Variants in FLNB observed in about 807,000 individuals in gnomAD.
FLNB encodes filamin-B.
FLNB carries 111 observed loss-of-function variants against 250.6 expected under a neutral mutation model. The observed-to-expected ratio is 0.44, with a 90% CI of 0.38 to 0.52. FLNB has a LOEUF of 0.52. Ranked by LOEUF, FLNB falls within the 20% of genes least tolerant of loss-of-function variation. The pLI, the probability that FLNB is intolerant of heterozygous loss-of-function variation, is 0.00. For missense variants in FLNB, 2,869 were observed against 3,447.8 expected, an observed-to-expected ratio of 0.83 and a Z score of 4.20; for synonymous variants, 1,302 against 1,372.1, an observed-to-expected ratio of 0.95 and a Z score of 1.13.
At chr3:58,140,571 TC>T (rs2097325192) in intron 29 of FLNB, among the ~76,000 whole-genome samples, 1 of 152,166 alleles carries the variant, frequency 6.6e-6, no homozygotes, top group Non-Finnish European at 1.5e-5. Context: ...TGAGAGGGGT[TC>T]CCTTGCTGTT....
Position 58,138,320 on chromosome 3 carries a change from G to T in FLNB, c.4900G>T (p.Val1634Leu). Residue 1634 changes from valine (V) to leucine (L), a missense_variant, in exon 29 of 46, where the codon GTA (valine) becomes TTA (leucine). Coordinates refer to ENST00000295956, the MANE Select transcript of FLNB (RefSeq NM_001457.4). ...CTCCACTGTGAAAACTGGCGAAGAA[G>T]TAGGCTTTGTGGTTGATGCCAAGAC... ...IASTVKTGEE[V>L]GFVVDAKTAG... 5 of 1,614,242 alleles carry T rather than the reference G, an allele frequency of 3.1e-6. No homozygotes were observed. The highest frequency in any genetic ancestry group is 4.2e-6 in the Non-Finnish European group (5 of 1,180,050).
chr3:58,144,379 G>A (rs1295409475), intron 32 of FLNB, among the ~76,000 whole-genome samples: 5 of 152,100 alleles, frequency 3.3e-5, no homozygotes, highest in Non-Finnish European at 7.4e-5. Flanking sequence ...GGCATGAGCC[G>A]CCACGCCTGG....
At chr3:58,113,292 C>G (rs949524386) in intron 18 of FLNB, among the ~76,000 whole-genome samples, 1 of 152,176 alleles carries the variant, frequency 6.6e-6, no homozygotes, top group Non-Finnish European at 1.5e-5. Flanking sequence ...GCCTAGTGTT[C>G]GAAGTGGTTG....
rs919514645 is a variant in FLNB, at chr3:58,078,714, C to T, written c.542-3C>T. 3.7e-6 allele frequency: 6 copies of T among 1,612,666 alleles called. No individual in the cohort carries two copies. The African/African-American group carries it at 6.7e-5, about 18-fold the overall frequency. On this transcript the variant is annotated splice_polypyrimidine_tract_variant and splice_region_variant and intron_variant, in intron 2 of 45. Coordinates refer to ENST00000295956, the MANE Select transcript of FLNB (RefSeq NM_001457.4). Reference sequence around the variant, plus strand: ...AAAAGAATCTTTTGTGTTCTGTTAACAGGTCTGTGCCCAGACTGGGAATCC... The same window carrying T: ...AAAAGAATCTTTTGTGTTCTGTTAATAGGTCTGTGCCCAGACTGGGAATCC...
At chr3:58,124,551 T>C in intron 22 of FLNB, 46 bp downstream of exon 22, 2 of 1,602,636 alleles carry the variant, frequency 1.2e-6, no homozygotes, top group Non-Finnish European at 1.7e-6. Flanking sequence ...AGAGCTGCCC[T>C]TGGTCATTGC....
chr3:58,092,422 T>C (rs2097229522), intron 4 of FLNB, among the ~76,000 whole-genome samples: 1 of 152,080 alleles, frequency 6.6e-6, no homozygotes, highest in Non-Finnish European at 1.5e-5. Context: ...GGCTGGAGGA[T>C]CACTTGAGCC....
rs9843940 is a variant in FLNB, at chr3:58,072,786, T to C, written c.293-4260T>C. Among the ~76,000 whole-genome samples, 330 of 152,256 alleles carry C rather than the reference T, an allele frequency of 2.2e-3. 6 individuals are homozygous for C. The highest frequency in any genetic ancestry group is 0.01 in the Middle Eastern group (3 of 294). ...GTGTGGACACCCACCTTGAATTCAATTGGAAACAGAAATTCTGGGCATTGT... is the reference window on the plus strand; with the variant it reads ...GTGTGGACACCCACCTTGAATTCAACTGGAAACAGAAATTCTGGGCATTGT... On this transcript the variant is annotated intron_variant, in intron 1 of 45. Coordinates refer to ENST00000295956, the MANE Select transcript of FLNB (RefSeq NM_001457.4).
intron 1 of FLNB, among the ~76,000 whole-genome samples, chr3:58,070,606 G>A (rs1055686487): frequency 4.0e-5 from 6 of 151,808 alleles, no homozygotes; most frequent in African/African-American, 1.5e-4. Context: ...TAGTGCGAGT[G>A]TGTGTGGCCT....
chr3:58,095,738 C>T (rs180787915), intron 5 of FLNB, among the ~76,000 whole-genome samples: 1 of 152,334 alleles, frequency 6.6e-6, no homozygotes, highest in Non-Finnish European at 1.5e-5. Flanking sequence ...TCTAAGTTTA[C>T]AGATGGATGG....
At position 58,079,702 on chromosome 3, in the gene FLNB, T is replaced by C. The variant is rs533997247; in HGVS notation, c.639+888T>C. On this transcript the variant is annotated intron_variant, in intron 3 of 45. Transcript: ENST00000295956. The stretch of plus-strand genomic sequence containing the variant: ...TTGGATACCATCTACAGTAGTCACA[T>C]TGCTTAGTTGAAGTCTGATCTTCCT... Among the ~76,000 whole-genome samples the C allele has an allele frequency of 7.2e-5, 11 of 152,348 alleles. No homozygotes were observed. In the South Asian group the frequency reaches 2.3e-3, roughly 32 times the overall value.
chr3:58,035,127 AG>A (rs1183350546), intron 1 of FLNB, among the ~76,000 whole-genome samples: 1 of 152,192 alleles, frequency 6.6e-6, no homozygotes, highest in African/African-American at 2.4e-5. Context: ...TTCTTTAGAA[AG>A]CCCCTTTGTT....
At position 58,169,128 on chromosome 3, in the gene FLNB, C is replaced by T; in HGVS notation, c.7418-462C>T. 1 of 276,590 alleles carries T rather than the reference C, an allele frequency of 3.6e-6. No individual in the cohort carries two copies. The highest frequency in any genetic ancestry group is 7.0e-6 in the Non-Finnish European group (1 of 143,416). 17.1% of individuals were successfully genotyped at this position (276,590 alleles called of 1,614,324 possible). A position where few individuals can be genotyped will look rare whatever the true frequency, so the allele number is the denominator to read the frequency against. ...TAAATCCCTTCCACACGTCATGATTCACTGTTACATAAAGAATGTAGGTTC... is the reference window on the plus strand; with the variant it reads ...TAAATCCCTTCCACACGTCATGATTTACTGTTACATAAAGAATGTAGGTTC... On this transcript the variant is annotated intron_variant, in intron 44 of 45. Coordinates refer to ENST00000295956, the MANE Select transcript of FLNB (RefSeq NM_001457.4). This position sits in a 1 kb window ranked among gnomAD's most constrained non-coding sequence, Gnocchi z 4.8.
At position 58,125,744 on chromosome 3, in the gene FLNB, G is replaced by T. The variant is rs1377980041; in HGVS notation, c.4061+1G>T. ...CCAATGTCTTCACCGTGGTTACCAG[G>T]TAGGCAAGGCCCTACATTTGGTGTC... is the stretch of plus-strand genomic sequence containing the variant. On this transcript the variant is annotated splice_donor_variant, in intron 23 of 45. Transcript: ENST00000295956. LOFTEE classifies it high-confidence loss of function. 6.2e-7 allele frequency: 1 copy of T among 1,614,090 alleles called. No individual in the cohort carries two copies. The highest frequency in any genetic ancestry group is 1.7e-5 in the Admixed American group (1 of 60,026).
intron 24 of FLNB, 27 bp from the exon 25 acceptor site, chr3:58,130,714 C>T (rs752821228): frequency 2.1e-5 from 33 of 1,606,652 alleles, no homozygotes; most frequent in Non-Finnish European, 2.6e-5. Context: ...CCAGCTTGTG[C>T]TCAGAATCCC....
chr3:58,105,178 T>G lies in FLNB; in HGVS notation c.1709T>G (p.Phe570Cys). ...HGGIVGRSAD[F>C]VVESIGSEVG... is the part of the protein sequence containing the mutation. Reference sequence around the variant, plus strand: ...GGGATTGTCGGGCGGTCAGCGGACTTCGTGGTAGAATCCATTGGCTCTGAA... The same window carrying G: ...GGGATTGTCGGGCGGTCAGCGGACTGCGTGGTAGAATCCATTGGCTCTGAA... The change falls in exon 11 of 46, where the codon TTC becomes TGC. Residue 570 changes from phenylalanine (F) to cysteine (C), a missense_variant. Physicochemically the swap from Phe to Cys is radical, Grantham distance 205. This residue lies in a region of FLNB where 1,348 missense variants were observed against 1,466.7 expected (regional missense o/e 0.92). Transcript: ENST00000295956. The G allele has an allele frequency of 6.2e-7, 1 of 1,614,182 alleles. No individual in the cohort carries two copies. The highest frequency in any genetic ancestry group is 1.3e-5 in the African/African-American group (1 of 75,042).
Position 58,109,226 on chromosome 3 carries a change from C to T in FLNB, c.2103C>T (p.Asp701=), listed in dbSNP as rs557166636. ...ACATCCAGATGAAGAACCGGATGGA[C>T]GGCACATATGCATGCTCATACACCC... ...RIDIQMKNRM[D]GTYACSYTPV... is the part of the protein sequence containing the mutation. The change falls in exon 14 of 46, where the codon GAC becomes GAT. Residue 701 remains aspartate, a synonymous_variant. Transcript: ENST00000295956. 48 of 1,614,230 alleles carry T rather than the reference C, an allele frequency of 3.0e-5. No homozygotes were observed. The highest frequency in any genetic ancestry group is 4.5e-5 in the East Asian group (2 of 44,880).
chr3:58,073,902 G>A (rs1275238440), intron 1 of FLNB, among the ~76,000 whole-genome samples: 1 of 152,180 alleles, frequency 6.6e-6, no homozygotes, highest in Non-Finnish European at 1.5e-5. Context: ...TCTCTGCCAT[G>A]AGGCCTTCTG....
At chr3:58,084,920 T>C (rs1197233038) in intron 4 of FLNB, among the ~76,000 whole-genome samples, 1 of 152,224 alleles carries the variant, frequency 6.6e-6, no homozygotes, top group Non-Finnish European at 1.5e-5. Context: ...CTCCTAGAAG[T>C]AGAATCATAT....
chr3:58,130,516 G>A (rs2097305446), intron 24 of FLNB, among the ~76,000 whole-genome samples: 1 of 152,126 alleles, frequency 6.6e-6, no homozygotes, highest in Admixed American at 6.5e-5. Flanking sequence ...GGTGTTAACC[G>A]CTCAGGATCC....
Sources: allele counts gnomAD v4.1 joint callset (sites outside exome capture counted in the v4.1 genomes callset), GRCh38; gene constraint gnomAD v4.1.1; regional missense constraint gnomAD v4.1.1; non-coding constraint Gnocchi (gnomAD v3.1); transcripts MANE v1.5; gene names NCBI Gene and HGNC (gene_info 2026-07-23, HGNC 2026-07-21).